The following PTPRO variants were observed in gnomAD, a reference collection of about 807,000 sequenced individuals.
The protein encoded by PTPRO is protein tyrosine phosphatase receptor type O, also known as receptor-type tyrosine-protein phosphatase O.
In PTPRO, 62 loss-of-function variants were observed where a neutral mutation model predicts 145.2. The ratio of observed to expected loss-of-function variants is 0.43; its 90% CI spans 0.35 to 0.53. PTPRO has a LOEUF of 0.53. Among genes scored for constraint, PTPRO ranks in the 20% least tolerant of loss-of-function variants. PTPRO has a pLI of 0.01. For missense variants in PTPRO, 1,345 were observed against 1,482.7 expected (o/e 0.91, Z 1.53); for synonymous variants, 565 against 514.7 (o/e 1.10, Z -1.32).
chr12:15,325,479 T>C (rs965376896), intron 1 of PTPRO, among the ~76,000 whole-genome samples: 2 of 152,338 alleles, frequency 1.3e-5, no homozygotes, highest in East Asian at 3.9e-4. Context: ...ATCTGCATAA[T>C]TTATCTTGCC....
At chr12:15,481,577 C>T (rs1198125810) in intron 1 of PTPRO, among the ~76,000 whole-genome samples, 1 of 152,164 alleles carries the variant, frequency 6.6e-6, no homozygotes, top group Non-Finnish European at 1.5e-5. Flanking sequence ...AAGCACTTAG[C>T]ATATGCCAGG....
chr12:15,501,858 G>T lies in PTPRO; in HGVS notation c.900G>T (p.Trp300Cys). The T allele has an allele frequency of 6.2e-7, 1 of 1,614,028 alleles. No individual in the cohort carries two copies. The highest frequency in any genetic ancestry group is 8.5e-7 in the Non-Finnish European group (1 of 1,179,996). ...DYETTSQPYWWDSASAAPESE... is the reference protein window; with the variant it reads ...DYETTSQPYWCDSASAAPESE... ...AAACTACGTCTCAGCCATATTGGTG[G>T]GACAGTGCATCTGCAGCTCCTGAAA... The change falls in exon 5 of 27, where the codon TGG (tryptophan) becomes TGT (cysteine). Residue 300 changes from tryptophan (W) to cysteine (C), a missense_variant. Trp to Cys is a radical substitution (Grantham distance 215, BLOSUM62 -2). Around this residue, in one of 3 missense-constraint regions of PTPRO, gnomAD observed 1,130 missense variants for 1,214.7 expected, o/e 0.93. Coordinates refer to ENST00000281171, the MANE Select transcript of PTPRO (RefSeq NM_030667.3).
At chr12:15,493,364 A>T (rs772700854) in intron 2 of PTPRO, among the ~76,000 whole-genome samples, 4 of 152,172 alleles carry the variant, frequency 2.6e-5, no homozygotes, top group Non-Finnish European at 4.4e-5. Flanking sequence ...GATAGATTTC[A>T]GCAAGAAAAA....
intron 12 of PTPRO, 37 bp from the exon 13 acceptor site, chr12:15,546,532 T>C (rs184563250): frequency 2.1e-4 from 322 of 1,551,388 alleles, no homozygotes; most frequent in Non-Finnish European, 2.7e-4. Context: ...ATACACTTAG[T>C]AAATTAAATT....
At chr12:15,463,868 T>C (rs1353657920) in intron 1 of PTPRO, among the ~76,000 whole-genome samples, 1 of 152,070 alleles carries the variant, frequency 6.6e-6, no homozygotes, top group Non-Finnish European at 1.5e-5. Flanking sequence ...ACAGGAGGGG[T>C]AGGCTGGACA....
intron 1 of PTPRO, among the ~76,000 whole-genome samples, chr12:15,433,525 G>T (rs1220903613): frequency 1.3e-5 from 2 of 152,106 alleles, no homozygotes; most frequent in African/African-American, 4.8e-5. Flanking sequence ...ATCTTGAGTT[G>T]ATTTTTGTAC....
At chr12:15,464,758 T>C (rs1941381688) in intron 1 of PTPRO, among the ~76,000 whole-genome samples, 1 of 152,168 alleles carries the variant, frequency 6.6e-6, no homozygotes. Flanking sequence ...TAGCATGATA[T>C]ACTTGTTTCA....
intron 23 of PTPRO, among the ~76,000 whole-genome samples, chr12:15,582,645 G>A (rs762108331): frequency 6.6e-6 from 1 of 152,120 alleles, no homozygotes; most frequent in Non-Finnish European, 1.5e-5. Context: ...TATAATTGGG[G>A]TATATAAGGC....
intron 24 of PTPRO, 90 bp from the exon 25 acceptor site, chr12:15,589,363 AAG>A (rs1213820973): frequency 3.6e-5 from 56 of 1,556,294 alleles, no homozygotes; most frequent in Non-Finnish European, 4.5e-5. Context: ...GCAACAGAGC[AAG>A]ACTCCATCTC....
chr12:15,496,332 G>A (rs544715021), intron 2 of PTPRO, among the ~76,000 whole-genome samples: 1 of 151,838 alleles, frequency 6.6e-6, no homozygotes, highest in South Asian at 2.1e-4. Context: ...AGTAGAGACA[G>A]GGTTTCTCCA....
At chr12:15,430,838 AC>A (rs1461571770) in intron 1 of PTPRO, among the ~76,000 whole-genome samples, 7 of 152,316 alleles carry the variant, frequency 4.6e-5, no homozygotes, top group Admixed American at 2.6e-4. Context: ...ATAAATATAT[AC>A]AATTTTGTCA....
chr12:15,393,899 AG>A (rs1340978159), intron 1 of PTPRO, among the ~76,000 whole-genome samples: 2 of 152,164 alleles, frequency 1.3e-5, no homozygotes, highest in Non-Finnish European at 2.9e-5. Context: ...TTGCAGGTGA[AG>A]GGGGACTCTG....
intron 1 of PTPRO, among the ~76,000 whole-genome samples, chr12:15,426,998 A>G (rs1940304043): frequency 1.3e-5 from 2 of 152,060 alleles, no homozygotes; most frequent in Admixed American, 1.3e-4. Flanking sequence ...TTTTTCAATT[A>G]CTTCTTTGAC....
At chr12:15,402,052 G>A (rs1939509119) in intron 1 of PTPRO, among the ~76,000 whole-genome samples, 1 of 152,154 alleles carries the variant, frequency 6.6e-6, no homozygotes, top group South Asian at 2.1e-4. Flanking sequence ...CATGAAAGGA[G>A]GCTTTGGGAC....
chr12:15,570,289 G>T (rs1291098618), intron 19 of PTPRO, among the ~76,000 whole-genome samples: 2 of 151,584 alleles, frequency 1.3e-5, no homozygotes, highest in African/African-American at 2.4e-5. Flanking sequence ...TCAGGGAAAA[G>T]GGGAAGATAA....
At chr12:15,412,339 A>C (rs530832049) in intron 1 of PTPRO, among the ~76,000 whole-genome samples, 1 of 152,224 alleles carries the variant, frequency 6.6e-6, no homozygotes, top group East Asian at 1.9e-4. Context: ...CTTTTTTATT[A>C]ACAGTTATAT....
chr12:15,531,025 A>C (rs574664167), intron 12 of PTPRO, among the ~76,000 whole-genome samples: 1 of 152,270 alleles, frequency 6.6e-6, no homozygotes, highest in South Asian at 2.1e-4. Context: ...ATCAGAAACA[A>C]TAAAGTAGGC....
intron 1 of PTPRO, among the ~76,000 whole-genome samples, chr12:15,329,429 C>A (rs929307988): frequency 7.9e-5 from 12 of 152,206 alleles, no homozygotes; most frequent in African/African-American, 2.9e-4. Flanking sequence ...TTTTGATAAA[C>A]TCTAGTATTC....
At chr12:15,590,437 C>T (rs1374007148) in intron 25 of PTPRO, among the ~76,000 whole-genome samples, 1 of 152,138 alleles carries the variant, frequency 6.6e-6, no homozygotes, top group Non-Finnish European at 1.5e-5. Context: ...GTGGGTGGAG[C>T]GCTTGGGTAG....
Sources: gnomAD v4.1 joint callset for allele counts (sites outside exome capture counted in the v4.1 genomes callset) on GRCh38, gnomAD v4.1.1 for gene constraint, gnomAD v4.1.1 regional missense constraint, MANE v1.5 for transcripts, NCBI Gene and HGNC (gene_info 2026-07-23, HGNC 2026-07-21) for gene names.